The following CHKA variants were observed in gnomAD, a reference collection of about 807,000 sequenced individuals.
CHKA encodes the protein choline kinase alpha.
Under a neutral mutation model 60.1 loss-of-function variants are expected in CHKA, and 34 were observed. That is an observed-to-expected ratio of 0.57 (90% CI 0.43 to 0.75). The LOEUF (loss-of-function observed/expected upper bound fraction) is 0.75. Among genes scored for constraint, CHKA ranks in the 30% least tolerant of loss-of-function variants. CHKA has a pLI of 0.00. For synonymous variants in CHKA, 217 were observed against 223.1 expected (o/e 0.97, Z 0.24); for missense variants, 563 against 561.3 (o/e 1.00, Z -0.03).
At chr11:68,054,366 C>T (rs1011526278) in intron 11 of CHKA, among the ~76,000 whole-genome samples, 1 of 152,204 alleles carries the variant, frequency 6.6e-6, no homozygotes, top group Non-Finnish European at 1.5e-5. Context: ...ACCTTGCTAA[C>T]CCTGGGTGCT....
Position 68,121,137 on chromosome 11 carries a change from G to T in CHKA, c.41C>A (p.Ser14Ter). ...GCAGCTCAGCAGCAGCCCGAGCGGC[G>T]AGGGCTCCGCCTCGCCCCCGGTGCA... is the stretch of plus-strand genomic sequence containing the variant. ...KFCTGGEAEP[S>*]PLGLLLSCGS... Residue 14 changes from serine (S) to a stop codon, truncating the protein, a stop_gained, in exon 1 of 12, where the codon TCG (serine) becomes TAG (stop). Coordinates refer to ENST00000265689, the MANE Select transcript of CHKA (RefSeq NM_001277.3). LOFTEE classifies it high-confidence loss of function. 2 of 1,209,964 alleles carry T rather than the reference G, an allele frequency of 1.7e-6. No homozygotes were observed. Among genetic ancestry groups the T allele is most frequent in the Non-Finnish European group, 2.1e-6 (2 of 966,652 alleles). 75.0% of individuals were successfully genotyped at this position (1,209,964 alleles called of 1,614,324 possible). A position where few individuals can be genotyped will look rare whatever the true frequency, so the allele number is the denominator to read the frequency against.
intron 10 of CHKA, among the ~76,000 whole-genome samples, chr11:68,062,729 AGTCCCGTGTGCT>A (rs1856294466): frequency 6.6e-6 from 1 of 152,168 alleles, no homozygotes; most frequent in Admixed American, 6.5e-5. Flanking sequence ...GGCCCACAAG[AGTCCCGTGTGCT>A]ACCCTTTCTG....
chr11:68,119,065 G>A (rs1858503142), intron 1 of CHKA, among the ~76,000 whole-genome samples: 1 of 152,170 alleles, frequency 6.6e-6, no homozygotes, highest in Admixed American at 6.5e-5. Flanking sequence ...ATGAGTACAT[G>A]GCCTAAAATG....
chr11:68,062,772 T>C (rs1247734209), intron 10 of CHKA, among the ~76,000 whole-genome samples: 13 of 152,124 alleles, frequency 8.5e-5, no homozygotes, highest in Admixed American at 2.0e-4. Flanking sequence ...CCTCCATCTG[T>C]TTTTTTCTAT....
chr11:68,074,577 C>T, intron 4 of CHKA, 140 bp downstream of exon 4: 2 of 717,336 alleles, frequency 2.8e-6, no homozygotes, highest in Non-Finnish European at 4.8e-6. Context: ...TGTTGCTTTT[C>T]ATGATTTCTG....
chr11:68,105,610 T>C (rs1222242810), intron 1 of CHKA, among the ~76,000 whole-genome samples: 3 of 152,070 alleles, frequency 2.0e-5, no homozygotes, highest in African/African-American at 7.2e-5. Flanking sequence ...ATTTGGGTTT[T>C]TTCCCCTGTC....
rs1857988015 is a variant in CHKA at position 68,108,214 on chromosome 11, A to T, written c.351-11084T>A. Among the ~76,000 whole-genome samples the T allele has an allele frequency of 2.0e-5, 3 of 152,184 alleles. No individual in the cohort carries two copies. The South Asian group carries it at 6.2e-4, about 32-fold the overall frequency. ...ACACCTGTAGTCCCAGCTAATGAGG[A>T]GGGTGAGGTGGGATGATCGCTTGAG... is the stretch of plus-strand genomic sequence containing the variant. On this transcript the variant is annotated intron_variant, in intron 1 of 11. Coordinates refer to ENST00000265689, the MANE Select transcript of CHKA (RefSeq NM_001277.3).
At chr11:68,060,398 C>T (rs1247835643) in intron 11 of CHKA, among the ~76,000 whole-genome samples, 2 of 152,198 alleles carry the variant, frequency 1.3e-5, no homozygotes, top group Non-Finnish European at 2.9e-5. Flanking sequence ...CAAACTCTGC[C>T]TCCCAGGTTC....
chr11:68,121,326 G>GCTGCGGCTA lies in CHKA; in HGVS notation c.-150_-149insTAGCCGCAG. 1 of 278,454 alleles carries GCTGCGGCTA rather than the reference G, an allele frequency of 3.6e-6. No individual in the cohort carries two copies. Among genetic ancestry groups the GCTGCGGCTA allele is most frequent in the South Asian group, 1.3e-4 (1 of 7,410 alleles). 17.2% of individuals were successfully genotyped at this position (278,454 alleles called of 1,614,324 possible). A position where few individuals can be genotyped will look rare whatever the true frequency, so the allele number is the denominator to read the frequency against. Reference sequence around the variant, plus strand: ...TTGGGCGCGCGGGGCGGCGGCGGCGGCTGCGGCGACTGCGGCGACTGTGGA... The same window carrying GCTGCGGCTA: ...TTGGGCGCGCGGGGCGGCGGCGGCGGCTGCGGCTACTGCGGCGACTGCGGCGACTGTGGA... On this transcript the variant is annotated 5_prime_UTR_variant, in exon 1 of 12. Coordinates refer to ENST00000265689, the MANE Select transcript of CHKA (RefSeq NM_001277.3).
intron 11 of CHKA, among the ~76,000 whole-genome samples, chr11:68,054,463 G>C (rs907561302): frequency 6.6e-6 from 1 of 152,172 alleles, no homozygotes; most frequent in Non-Finnish European, 1.5e-5. Flanking sequence ...GGGGAGAAGA[G>C]GATGCCCATC....
chr11:68,062,269 C>A (rs1173456613), intron 10 of CHKA, among the ~76,000 whole-genome samples: 1 of 152,252 alleles, frequency 6.6e-6, no homozygotes, highest in Non-Finnish European at 1.5e-5. Flanking sequence ...ACACACACAG[C>A]TGGCCTGGCC....
At chr11:68,084,906 T>C (rs1342734202) in intron 2 of CHKA, among the ~76,000 whole-genome samples, 1 of 152,062 alleles carries the variant, frequency 6.6e-6, no homozygotes, top group African/African-American at 2.4e-5. Context: ...ATAAAAACTT[T>C]TAAAAAATAA....
chr11:68,087,002 A>G (rs17148849), intron 2 of CHKA, among the ~76,000 whole-genome samples: 3,124 of 151,942 alleles, frequency 0.021, 99 homozygotes, highest in African/African-American at 0.071. Context: ...AAAAAATGTC[A>G]TTTAAAACAT....
rs1396342475 is a variant in CHKA, at chr11:68,120,958, G to A, written c.220C>T (p.Pro74Ser). The A allele has an allele frequency of 8.6e-7, 1 of 1,156,412 alleles. No individual in the cohort carries two copies. The highest frequency in any genetic ancestry group is 1.1e-6 in the Non-Finnish European group (1 of 936,626). 71.6% of individuals were successfully genotyped at this position (1,156,412 alleles called of 1,614,324 possible). Residue 74 changes from proline to serine, a missense_variant, in exon 1 of 12, where the codon CCG becomes TCG. Coordinates refer to ENST00000265689, the MANE Select transcript of CHKA (RefSeq NM_001277.3). ...PLPLPLPQPP[P>S]PQPPADEQPE... ...TGCTCGTCTGCGGGCGGCTGCGGCG[G>A]CGGGGGCTGGGGCAGCGGCAGCGGC...
Position 68,073,659 on chromosome 11 carries a change from G to A in CHKA, c.630+1058C>T, listed in dbSNP as rs143970882. Among the ~76,000 whole-genome samples the A allele has an allele frequency of 3.7e-4, 57 of 152,306 alleles. No homozygotes were observed. In the East Asian group the frequency reaches 0.011, roughly 29 times the overall value. On this transcript the variant is annotated intron_variant, in intron 4 of 11. Transcript: ENST00000265689. ...AGGATACCTCTTCTGGGGAGACAGA[G>A]CACAACTAGCCTCTCTGTTTCTGGG...
chr11:68,094,476 G>A (rs1857439780), intron 2 of CHKA, among the ~76,000 whole-genome samples: 1 of 152,164 alleles, frequency 6.6e-6, no homozygotes, highest in South Asian at 2.1e-4. Flanking sequence ...AGGAGGTCGA[G>A]GCTGCAGTGA....
chr11:68,069,535 T>C (rs538782060), intron 6 of CHKA, among the ~76,000 whole-genome samples: 1 of 151,924 alleles, frequency 6.6e-6, no homozygotes, highest in Non-Finnish European at 1.5e-5. Context: ...AATACAAAAA[T>C]TAGCTGGGTG....
At chr11:68,096,137 G>A (rs945479504) in intron 2 of CHKA, among the ~76,000 whole-genome samples, 1 of 151,934 alleles carries the variant, frequency 6.6e-6, no homozygotes, top group Non-Finnish European at 1.5e-5. Flanking sequence ...ACCACGGCGG[G>A]TGGATCACTT....
chr11:68,098,743 G>C (rs1857597520), intron 1 of CHKA, among the ~76,000 whole-genome samples: 1 of 151,850 alleles, frequency 6.6e-6, no homozygotes, highest in Admixed American at 6.6e-5. Flanking sequence ...ATCCAGGCTA[G>C]AGTACAGTGG....
Sources: allele counts gnomAD v4.1 joint callset (sites outside exome capture counted in the v4.1 genomes callset), GRCh38; gene constraint gnomAD v4.1.1; transcripts MANE v1.5; gene names NCBI Gene and HGNC (gene_info 2026-07-23, HGNC 2026-07-21).